The following TRERF1 variants were observed in gnomAD, a reference collection of about 807,000 sequenced individuals.
TRERF1 encodes the protein transcriptional regulating factor 1, also known as transcriptional-regulating factor 1.
In TRERF1, 27 loss-of-function variants were observed where a neutral mutation model predicts 122.9. The observed-to-expected ratio is 0.22, with a 90% confidence interval of 0.16 to 0.30. The LOEUF is 0.30. Ranked by LOEUF, TRERF1 falls within the 10% of genes least tolerant of loss-of-function variation. The pLI, the probability that TRERF1 is intolerant of heterozygous loss-of-function variation, is 1.00. For missense variants in TRERF1, 1,248 were observed against 1,560.3 expected (o/e 0.80, Z 3.37); for synonymous variants, 636 against 641.7 (o/e 0.99, Z 0.13).
chr6:42,369,920 A>C (rs534601796), intron 2 of TRERF1, among the ~76,000 whole-genome samples: 1 of 152,286 alleles, frequency 6.6e-6, no homozygotes, highest in Non-Finnish European at 1.5e-5. Context: ...TCTCTTCTGT[A>C]ACCACAAACT....
At chr6:42,383,029 A>G (rs1776217167) in intron 2 of TRERF1, among the ~76,000 whole-genome samples, 1 of 152,088 alleles carries the variant, frequency 6.6e-6, no homozygotes, top group East Asian at 1.9e-4. Context: ...GGGGCAAAAA[A>G]CATATTGATA....
chr6:42,285,014 C>T (rs1184024858), intron 4 of TRERF1, among the ~76,000 whole-genome samples: 1 of 152,014 alleles, frequency 6.6e-6, no homozygotes, highest in Non-Finnish European at 1.5e-5. Context: ...ACAAAGCTGA[C>T]ATTTAGACTT....
At position 42,320,671 on chromosome 6, in the gene TRERF1, G is replaced by C. The variant is rs549654756; in HGVS notation, c.-370-19922C>G. On this transcript the variant is annotated intron_variant, in intron 3 of 17. Transcript: ENST00000372922. ...ATTACAGGCGCCCGCCACAACGTCCGGCTAATTTTTGTATTTTTTAGTAGA... is the reference window on the plus strand; with the variant it reads ...ATTACAGGCGCCCGCCACAACGTCCCGCTAATTTTTGTATTTTTTAGTAGA... 2.0e-5 allele frequency among the ~76,000 whole-genome samples: 3 copies of C among 151,974 alleles called. No individual in the cohort carries two copies. In the East Asian group the frequency reaches 5.8e-4, roughly 29 times the overall value.
chr6:42,438,155 C>G (rs527624191), intron 2 of TRERF1, among the ~76,000 whole-genome samples: 2 of 151,486 alleles, frequency 1.3e-5, no homozygotes, highest in East Asian at 4.0e-4. Context: ...CTCCTGACCT[C>G]AAGTGATCCA....
chr6:42,236,591 C>T (rs559848134), intron 15 of TRERF1, among the ~76,000 whole-genome samples, 180 bp from the exon 16 acceptor site: 3 of 152,260 alleles, frequency 2.0e-5, no homozygotes, highest in Admixed American at 6.5e-5. Flanking sequence ...GGTTGGTCTC[C>T]GGATGCTTAG....
At chr6:42,229,401 G>C (rs922896353) in intron 17 of TRERF1, among the ~76,000 whole-genome samples, 3 of 152,308 alleles carry the variant, frequency 2.0e-5, no homozygotes, top group Non-Finnish European at 4.4e-5. Context: ...GCCTCCCAAA[G>C]TGTTGTGATT....
At chr6:42,398,181 C>T (rs181148274) in intron 2 of TRERF1, among the ~76,000 whole-genome samples, 73 of 152,324 alleles carry the variant, frequency 4.8e-4, no homozygotes, top group East Asian at 7.7e-4. Context: ...ATGATGTATG[C>T]GGACTGGATG....
chr6:42,392,100 G>A (rs73733171), intron 2 of TRERF1, among the ~76,000 whole-genome samples: 13,306 of 152,128 alleles, frequency 0.087, 864 homozygotes, highest in African/African-American at 0.18. Context: ...ATGTGTACAC[G>A]TATACTTATT....
At chr6:42,323,693 G>A (rs1386672748) in intron 3 of TRERF1, among the ~76,000 whole-genome samples, 1 of 152,174 alleles carries the variant, frequency 6.6e-6, no homozygotes, top group Non-Finnish European at 1.5e-5. Context: ...AATAATAGGT[G>A]CCTCCAAGCC....
intron 2 of TRERF1, among the ~76,000 whole-genome samples, chr6:42,443,546 T>TG (rs1306236378): frequency 6.6e-6 from 1 of 152,206 alleles, no homozygotes; most frequent in Non-Finnish European, 1.5e-5. Context: ...TCGGGTTTCT[T>TG]GGGGTAGGTT....
intron 2 of TRERF1, among the ~76,000 whole-genome samples, chr6:42,405,187 G>C (rs544026245): frequency 2.0e-4 from 30 of 152,276 alleles, no homozygotes; most frequent in Non-Finnish European, 3.4e-4. Context: ...CTTACAATTG[G>C]GAAGGGAAAA....
At position 42,228,784 on chromosome 6, in the gene TRERF1, G is replaced by C; in HGVS notation, c.3279-115C>G. 1 of 1,031,526 alleles carries C rather than the reference G, an allele frequency of 9.7e-7. No individual in the cohort carries two copies. The allele number at this position is 1,031,526 out of a possible 1,614,324, so 63.9% of individuals were successfully genotyped here. On this transcript the variant is annotated intron_variant, in intron 17 of 17. Transcript: ENST00000372922. This position sits in a 1 kb window ranked among gnomAD's most constrained non-coding sequence, Gnocchi z 4.2. Reference sequence around the variant, plus strand: ...GGTCTGACAAAGTCCCTGGCTGCTCGGCTTCTAGGACCTCCTTCCCCTGTG... The same window carrying C: ...GGTCTGACAAAGTCCCTGGCTGCTCCGCTTCTAGGACCTCCTTCCCCTGTG...
intron 16 of TRERF1, among the ~76,000 whole-genome samples, chr6:42,233,759 G>C (rs142206716): frequency 2.6e-5 from 4 of 152,090 alleles, no homozygotes; most frequent in South Asian, 2.1e-4. Flanking sequence ...CCAGAATTGC[G>C]CCTGTTTGCT....
rs1258405931 is a variant in TRERF1 at position 42,259,315 on chromosome 6, G to A, written c.2269+24C>T. The stretch of plus-strand genomic sequence containing the variant: ...ACTTTACCCAGCACCCAGAGCCCAG[G>A]AGGACGCTAAAGGGGTGACTCACTG... On this transcript the variant is annotated intron_variant, in intron 9 of 17. Transcript: ENST00000372922. This position sits in a 1 kb window ranked among gnomAD's most constrained non-coding sequence, Gnocchi z 4.9. 2 of 1,489,142 alleles carry A rather than the reference G, an allele frequency of 1.3e-6. No individual in the cohort carries two copies. The highest frequency in any genetic ancestry group is 4.6e-5 in the East Asian group (2 of 43,526). The allele number at this position is 1,489,142 out of a possible 1,614,324, so 92.2% of individuals were successfully genotyped here. A position where few individuals can be genotyped will look rare whatever the true frequency, so the allele number is the denominator to read the frequency against.
intron 2 of TRERF1, among the ~76,000 whole-genome samples, chr6:42,401,614 C>T (rs938522879): frequency 4.6e-5 from 7 of 152,210 alleles, no homozygotes; most frequent in African/African-American, 1.7e-4. Flanking sequence ...GGCCCTGCCT[C>T]AGAGCCTGCT....
intron 2 of TRERF1, among the ~76,000 whole-genome samples, chr6:42,406,254 C>T (rs2151396239): frequency 6.6e-6 from 1 of 152,340 alleles, no homozygotes; most frequent in Middle Eastern, 3.4e-3. Flanking sequence ...TCCCGAAAAT[C>T]AGTCAGACCC....
chr6:42,359,169 A>G (rs1377296933), intron 3 of TRERF1, among the ~76,000 whole-genome samples: 1 of 152,192 alleles, frequency 6.6e-6, no homozygotes, highest in African/African-American at 2.4e-5. Context: ...GGAACCCCAA[A>G]TCAAGATGCT....
Position 42,446,820 on chromosome 6 carries a change from T to C in TRERF1, c.-454+4357A>G, listed in dbSNP as rs142766666. Among the ~76,000 whole-genome samples the C allele has an allele frequency of 3.9e-5, 6 of 152,242 alleles. No individual in the cohort carries two copies. In the South Asian group the frequency reaches 1.0e-3, roughly 26 times the overall value. ...GAGTTCAAGACCAGCCTGGTCAACA[T>C]GGTGAAACCCTGTCTCTACTAAAAT... On this transcript the variant is annotated intron_variant, in intron 2 of 17. Coordinates refer to ENST00000372922, the Ensembl canonical transcript of TRERF1.
At chr6:42,254,760 G>A (rs1163308264) in intron 13 of TRERF1, 91 bp downstream of exon 13, 14 of 1,170,580 alleles carry the variant, frequency 1.2e-5, no homozygotes, top group Admixed American at 6.8e-5. Context: ...GGACAGAACC[G>A]GTGTTATCCA....
Sources: allele counts gnomAD v4.1 joint callset (sites outside exome capture counted in the v4.1 genomes callset), GRCh38; gene constraint gnomAD v4.1.1; non-coding constraint Gnocchi (gnomAD v3.1); transcripts MANE v1.5; gene names NCBI Gene and HGNC (gene_info 2026-07-23, HGNC 2026-07-21).